CACNA2D4: variants seen among roughly 807,000 people sequenced by gnomAD.
CACNA2D4 encodes calcium voltage-gated channel auxiliary subunit alpha2delta 4.
A neutral mutation model predicts 163.8 loss-of-function variants in CACNA2D4; 157 were observed. The ratio of observed to expected loss-of-function variants is 0.96; its 90% confidence interval spans 0.84 to 1.09. The LOEUF (loss-of-function observed/expected upper bound fraction) is 1.09, where lower values mean the gene tolerates loss of function less well. Among genes scored for constraint, CACNA2D4 ranks in the 50% least tolerant of loss-of-function variants. The pLI, the probability that CACNA2D4 is intolerant of heterozygous loss-of-function variation, is 0.00. For synonymous variants in CACNA2D4, 598 were observed against 586.9 expected, an observed-to-expected ratio of 1.02 and a Z score of -0.27; for missense variants, 1,410 against 1,479.9, an observed-to-expected ratio of 0.95 and a Z score of 0.78.
intron 31 of CACNA2D4, chr12:1,800,675 T>C: frequency 1.7e-6 from 1 of 596,132 alleles, no homozygotes; most frequent in Non-Finnish European, 3.0e-6. Context: ...TCGGGTGGGG[T>C]TGGACATGCC....
chr12:1,858,842 C>T (rs1030344733), intron 19 of CACNA2D4, among the ~76,000 whole-genome samples, 198 bp from the exon 20 acceptor site: 10 of 152,182 alleles, frequency 6.6e-5, no homozygotes, highest in African/African-American at 2.4e-4. Flanking sequence ...TTCCAATTTC[C>T]CAGAAGCCTT....
chr12:1,856,152 T>C (rs759796149), intron 21 of CACNA2D4, 32 bp downstream of exon 21: 2 of 1,613,892 alleles, frequency 1.2e-6, no homozygotes. Flanking sequence ...ACATTCCACC[T>C]GTCTCCCTCC....
At position 1,879,888 on chromosome 12, in the gene CACNA2D4, G is replaced by C. The variant is rs751387470; in HGVS notation, c.1486-7C>G. On this transcript the variant is annotated splice_region_variant and splice_polypyrimidine_tract_variant and intron_variant, in intron 13 of 37. Transcript: ENST00000382722. ...GAGCCTGCGAGCTGAGGAGCTGTAA[G>C]GGAGGGGAGAACAGGGGTCAGAAGG... 3.1e-6 allele frequency: 5 copies of C among 1,589,322 alleles called. No individual in the cohort carries two copies. Among genetic ancestry groups the C allele is most frequent in the Non-Finnish European group, 4.3e-6 (5 of 1,167,662 alleles).
intron 6 of CACNA2D4, among the ~76,000 whole-genome samples, chr12:1,895,406 G>C (rs1281859160): frequency 1.3e-5 from 2 of 151,988 alleles, no homozygotes; most frequent in African/African-American, 4.8e-5. Flanking sequence ...AAAAAAGTCA[G>C]AATAGCTAAA....
chr12:1,795,560 G>C (rs1333932225), intron 36 of CACNA2D4, 108 bp downstream of exon 36: 4 of 898,646 alleles, frequency 4.5e-6, no homozygotes, highest in African/African-American at 1.6e-5. Flanking sequence ...CCCTGTGGAG[G>C]ACACGGGCGG....
chr12:1,909,484 G>A (rs1342119800), intron 4 of CACNA2D4, among the ~76,000 whole-genome samples: 7 of 152,328 alleles, frequency 4.6e-5, no homozygotes, highest in South Asian at 2.1e-4. Context: ...GTGAGCCACC[G>A]CGCCTGGGCG....
chr12:1,885,379 C>T (rs563835926), intron 9 of CACNA2D4, among the ~76,000 whole-genome samples: 5 of 152,250 alleles, frequency 3.3e-5, no homozygotes, highest in Non-Finnish European at 4.4e-5. Context: ...AGGGTAACCT[C>T]GGCTCCCAGA....
chr12:1,874,246 GCTTACCATTTA>G lies in CACNA2D4; in HGVS notation c.1878+347_1878+357del, dbSNP rs2154449231. Among the ~76,000 whole-genome samples the G allele has an allele frequency of 6.6e-6, 1 of 152,224 alleles. No homozygotes were observed. Among genetic ancestry groups the G allele is most frequent in the East Asian group, 1.9e-4 (1 of 5,180 alleles). ...TCCTGTATAACACTTCACAAGAGCTGCTTACCATTTACAAAATCAGCTGTCACGTTTCCCCT... is the reference window on the plus strand; with the variant it reads ...TCCTGTATAACACTTCACAAGAGCTGCAAAATCAGCTGTCACGTTTCCCCT... On this transcript the variant is annotated intron_variant, in intron 18 of 37. Transcript: ENST00000382722. This position sits in a 1 kb window ranked among gnomAD's most constrained non-coding sequence, Gnocchi z 4.4.
intron 23 of CACNA2D4, among the ~76,000 whole-genome samples, chr12:1,852,640 C>T (rs188674698): frequency 1.8e-4 from 27 of 152,266 alleles, no homozygotes; most frequent in Non-Finnish European, 1.3e-4. Context: ...TTTTCTGAAG[C>T]ATGCTCTGGT....
chr12:1,809,949 A>G (rs987517865), intron 29 of CACNA2D4, among the ~76,000 whole-genome samples: 1 of 152,208 alleles, frequency 6.6e-6, no homozygotes, highest in East Asian at 1.9e-4. Context: ...GCCCCGAGTG[A>G]GGCTGGGCCA....
At chr12:1,845,280 T>C (rs1865118711) in intron 24 of CACNA2D4, among the ~76,000 whole-genome samples, 1 of 151,538 alleles carries the variant, frequency 6.6e-6, no homozygotes, top group Admixed American at 6.6e-5. Context: ...GGAAGGTCTG[T>C]CTGCCTCGAA....
intron 18 of CACNA2D4, among the ~76,000 whole-genome samples, chr12:1,870,113 GTTC>G (rs1293656078): frequency 3.3e-5 from 5 of 152,160 alleles, no homozygotes; most frequent in Admixed American, 2.6e-4. Context: ...CTAAGGTGTA[GTTC>G]TTCTGTGCTT....
At chr12:1,808,245 C>A (rs1592659295) in intron 29 of CACNA2D4, among the ~76,000 whole-genome samples, 1 of 152,306 alleles carries the variant, frequency 6.6e-6, no homozygotes, top group East Asian at 1.9e-4. Flanking sequence ...GCACGGTTGT[C>A]CCGCTGCCTC....
intron 26 of CACNA2D4, among the ~76,000 whole-genome samples, chr12:1,838,979 C>T (rs1288492787): frequency 3.9e-5 from 6 of 152,328 alleles, no homozygotes; most frequent in South Asian, 4.1e-4. Flanking sequence ...GCATCGCACA[C>T]GACCAGTGAC....
chr12:1,858,026 A>G (rs1198714731), intron 20 of CACNA2D4, among the ~76,000 whole-genome samples: 1 of 152,162 alleles, frequency 6.6e-6, no homozygotes, highest in Non-Finnish European at 1.5e-5. Context: ...AGGCTCCTAG[A>G]CCTGGAAGAG....
intron 6 of CACNA2D4, 102 bp from the exon 7 acceptor site, chr12:1,887,171 A>G (rs945046632): frequency 3.9e-6 from 3 of 763,050 alleles, no homozygotes; most frequent in Non-Finnish European, 6.9e-6. Context: ...CCAGGGCAGA[A>G]CAGCTTTGGA....
chr12:1,837,441 G>C (rs545713504), intron 26 of CACNA2D4, among the ~76,000 whole-genome samples: 1 of 152,278 alleles, frequency 6.6e-6, no homozygotes, highest in South Asian at 2.1e-4. Flanking sequence ...GTGAGGCACT[G>C]AGTAGAGGGG....
At chr12:1,882,105 C>T (rs1866016996) in intron 13 of CACNA2D4, among the ~76,000 whole-genome samples, 1 of 152,228 alleles carries the variant, frequency 6.6e-6, no homozygotes, top group Admixed American at 6.5e-5. Context: ...TTTCAGTTGA[C>T]TCATGTTCCA....
At position 1,799,134 on chromosome 12, in the gene CACNA2D4, G is replaced by A. The variant is rs777440002; in HGVS notation, c.2995+541C>T. ...TCCTGCAGTCATGGAGGGCCCAGGCGCCCGGGCAGTGAGTGCTTTGAAAGG... is the reference window on the plus strand; with the variant it reads ...TCCTGCAGTCATGGAGGGCCCAGGCACCCGGGCAGTGAGTGCTTTGAAAGG... On this transcript the variant is annotated intron_variant, in intron 34 of 37. Transcript: ENST00000382722. The surrounding 1 kb of genome is among the most constrained non-coding windows in gnomAD (Gnocchi z 4.7). 6.6e-6 allele frequency among the ~76,000 whole-genome samples: 1 copy of A among 152,112 alleles called. No homozygotes were observed. Among genetic ancestry groups the A allele is most frequent in the African/African-American group, 2.4e-5 (1 of 41,422 alleles).
Sources: allele counts gnomAD v4.1 joint callset (sites outside exome capture counted in the v4.1 genomes callset), GRCh38; gene constraint gnomAD v4.1.1; non-coding constraint Gnocchi (gnomAD v3.1); transcripts MANE v1.5; gene names NCBI Gene and HGNC (gene_info 2026-07-23, HGNC 2026-07-21).